The following PTPRS variants were observed in gnomAD, a reference collection of about 807,000 sequenced individuals.
PTPRS encodes protein tyrosine phosphatase receptor type S.
A neutral mutation model predicts 215.3 loss-of-function variants in PTPRS; 63 were observed. The ratio of observed to expected loss-of-function variants is 0.29; its 90% CI spans 0.24 to 0.36. PTPRS has a LOEUF of 0.36. Ranked by LOEUF, PTPRS falls within the 10% of genes least tolerant of loss-of-function variation. PTPRS has a pLI of 1.00. For synonymous variants in PTPRS, 1,404 were observed against 1,191.4 expected, an observed-to-expected ratio of 1.18 and a Z score of -3.68; for missense variants, 2,258 against 2,825.8, an observed-to-expected ratio of 0.80 and a Z score of 4.56.
rs530640430 is a variant in PTPRS, at chr19:5,309,068, G to A, written c.-94-22834C>T. 5.3e-5 allele frequency among the ~76,000 whole-genome samples: 8 copies of A among 152,212 alleles called. No individual in the cohort carries two copies. The South Asian group carries it at 1.5e-3, about 28-fold the overall frequency. ...GGGCTCAGAGTGTGTGGAGGTGGGA[G>A]GTGAGTGCCAAGTGGGAACTGAGGG... On this transcript the variant is annotated intron_variant, in intron 1 of 37. Coordinates refer to ENST00000262963, the MANE Select transcript of PTPRS (RefSeq NM_002850.4).
rs1057017143 is a variant in PTPRS at position 5,212,137 on chromosome 19, C to T, written c.4883G>A (p.Arg1628His). The T allele has an allele frequency of 2.5e-6, 4 of 1,614,086 alleles. No individual in the cohort carries two copies. The highest frequency in any genetic ancestry group is 3.4e-6 in the Non-Finnish European group (4 of 1,180,048). ...GTCCTCCGTCTGCACCATGTAGTTG[C>T]GCTGGGACCTCATGAGCGTCACGTG... is the stretch of plus-strand genomic sequence containing the variant. ...YGHVTLMRSQ[R>H]NYMVQTEDQY... Residue 1628 changes from arginine to histidine, a missense_variant, in exon 32 of 38, where the codon CGC (arginine) becomes CAC (histidine). Around this residue, in one of 6 missense-constraint regions of PTPRS, gnomAD observed 927 missense variants for 1,125.9 expected, o/e 0.82. Transcript: ENST00000262963.
chr19:5,336,797 G>A (rs550725251), intron 1 of PTPRS, among the ~76,000 whole-genome samples: 1 of 151,744 alleles, frequency 6.6e-6, no homozygotes, highest in African/African-American at 2.4e-5. Context: ...AGGGTGGGGC[G>A]GCGGCGGGTG....
intron 11 of PTPRS, among the ~76,000 whole-genome samples, chr19:5,243,579 A>C (rs1358259655): frequency 6.6e-6 from 1 of 151,804 alleles, no homozygotes; most frequent in African/African-American, 2.4e-5. Context: ...TCCTGGGTTC[A>C]AGTGATTCTC....
intron 22 of PTPRS, 111 bp from the exon 23 acceptor site, chr19:5,219,578 A>G (rs1036362336): frequency 5.3e-6 from 7 of 1,325,498 alleles, no homozygotes; most frequent in South Asian, 3.1e-5. Flanking sequence ...ATCCTCCTAT[A>G]TTCCTAGAAC....
At chr19:5,252,494 T>G (rs2045198718) in intron 9 of PTPRS, among the ~76,000 whole-genome samples, 1 of 148,648 alleles carries the variant, frequency 6.7e-6, no homozygotes, top group African/African-American at 2.5e-5. Context: ...GGAGAATCAC[T>G]TGAACCCAGG....
chr19:5,329,972 T>C lies in PTPRS; in HGVS notation c.-95+10692A>G, dbSNP rs1298728306. Among the ~76,000 whole-genome samples, 3 of 144,246 alleles carry C rather than the reference T, an allele frequency of 2.1e-5. No individual in the cohort carries two copies. The South Asian group carries it at 6.5e-4, about 31-fold the overall frequency. The allele number at this position is 144,246 out of a possible 152,430, so 94.6% of individuals were successfully genotyped here. On this transcript the variant is annotated intron_variant, in intron 1 of 37. Transcript: ENST00000262963. ...GCACATGCCTATAATCCCAGCTACC[T>C]GGAAGGCTGAGGCAGAATCTCTTGA...
Position 5,244,464 on chromosome 19 carries a change from C to T in PTPRS, c.1007G>A (p.Gly336Glu). The T allele has an allele frequency of 6.2e-7, 1 of 1,613,700 alleles. No homozygotes were observed. The highest frequency in any genetic ancestry group is 8.5e-7 in the Non-Finnish European group (1 of 1,179,810). ...TGTGTTCTCAGTCACCATGGGAGTC[C>T]CGGGAGCTTTGGGGAGAGCTGTGGG... ...ITVKSLPKAP[G>E]TPMVTENTAT... Residue 336 changes from glycine to glutamate, a missense_variant, in exon 11 of 38, where the codon GGG becomes GAG. Gly to Glu is a moderately conservative substitution (Grantham distance 98). Coordinates refer to ENST00000262963, the MANE Select transcript of PTPRS (RefSeq NM_002850.4). The surrounding 1 kb of genome is among the most constrained non-coding windows in gnomAD (Gnocchi z 7.2).
chr19:5,214,273 G>T, intron 30 of PTPRS, 88 bp downstream of exon 30: 1 of 1,573,050 alleles, frequency 6.4e-7, no homozygotes, highest in Non-Finnish European at 8.7e-7. Context: ...TGTCCCATGG[G>T]GAGCTCCCTG....
At position 5,210,624 on chromosome 19, in the gene PTPRS, G is replaced by A. The variant is rs72981058; in HGVS notation, c.5362-30C>T. ...GGAGGAGATGGCGGCCGTGGTCAGC[G>A]CTGTCTGAGCCACAGTCTGGCCCTC... On this transcript the variant is annotated intron_variant, in intron 34 of 37. Coordinates refer to ENST00000262963, the MANE Select transcript of PTPRS (RefSeq NM_002850.4). This position sits in a 1 kb window ranked among gnomAD's most constrained non-coding sequence, Gnocchi z 4.5. 1.6e-4 allele frequency: 257 copies of A among 1,614,062 alleles called. 1 individual carries two copies. Among genetic ancestry groups the A allele is most frequent in the South Asian group, 1.2e-3 (109 of 91,082 alleles).
intron 12 of PTPRS, 101 bp from the exon 13 acceptor site, chr19:5,239,164 G>GAGAGAGA (rs1568451445): frequency 6.9e-6 from 3 of 433,654 alleles, no homozygotes; most frequent in African/African-American, 6.3e-5. Flanking sequence ...GGGGGGAGGG[G>GAGAGAGA]GAGAGAGAGA....
chr19:5,264,869 C>G (rs1211108468), intron 5 of PTPRS, 139 bp downstream of exon 5: 2 of 982,130 alleles, frequency 2.0e-6, no homozygotes, highest in Non-Finnish European at 3.0e-6. Flanking sequence ...GCCCCCACTC[C>G]CCCAGAGCCA....
rs1171343967 is a variant in PTPRS at position 5,294,418 on chromosome 19, A to G, written c.-94-8184T>C. ...GCCTGGGGCCCCCGGAACTGAGGAT[A>G]TATCATGAATAATTTCAAGCCCCTT... On this transcript the variant is annotated intron_variant, in intron 1 of 37. Coordinates refer to ENST00000262963, the MANE Select transcript of PTPRS (RefSeq NM_002850.4). The surrounding 1 kb of genome is among the most constrained non-coding windows in gnomAD (Gnocchi z 5.1). 1.1e-4 allele frequency: 17 copies of G among 152,302 alleles called. No individual in the cohort carries two copies. The highest frequency in any genetic ancestry group is 1.0e-3 in the Admixed American group (16 of 15,288). The allele number at this position is 152,302 out of a possible 1,614,324, so 9.4% of individuals were successfully genotyped here.
intron 4 of PTPRS, among the ~76,000 whole-genome samples, chr19:5,268,215 T>C (rs2046600684): frequency 6.6e-6 from 1 of 152,012 alleles, no homozygotes; most frequent in African/African-American, 2.4e-5. Context: ...AATAAAGTTT[T>C]ATTGGCACAC....
intron 32 of PTPRS, 48 bp downstream of exon 32, chr19:5,211,896 CGGGCCTGATTTTCGGCTCTTT>C: frequency 6.4e-7 from 1 of 1,553,940 alleles, no homozygotes; most frequent in Non-Finnish European, 8.7e-7. Context: ...TTGCTCGAGG[CGGGCCTGATTTTCGGCTCTTT>C]GGGCCTCCTC....
chr19:5,230,620 G>A (rs1464525537), intron 14 of PTPRS, among the ~76,000 whole-genome samples: 1 of 152,118 alleles, frequency 6.6e-6, no homozygotes, highest in Non-Finnish European at 1.5e-5. Context: ...ACCATGCTTG[G>A]CTATGTTTTA....
chr19:5,244,226 C>T lies in PTPRS; in HGVS notation c.1245G>A (p.Glu415=). The T allele has an allele frequency of 6.2e-7, 1 of 1,610,994 alleles. No individual in the cohort carries two copies. Among genetic ancestry groups the T allele is most frequent in the South Asian group, 1.1e-5 (1 of 90,642 alleles). ...GCTCGCCTGTGCGGGTGACCACGGA[C>T]TCGCTGGGGGGCCCCTGGCCGATGG... The part of the protein sequence containing the change: ...VNSIGQGPPS[E]SVVTRTGEQA... The change falls in exon 11 of 38, where the codon GAG becomes GAA. Residue 415 remains glutamate, a synonymous_variant. Transcript: ENST00000262963. The surrounding 1 kb of genome is among the most constrained non-coding windows in gnomAD (Gnocchi z 7.2).
chr19:5,290,545 G>A (rs1313700465), intron 1 of PTPRS, among the ~76,000 whole-genome samples: 1 of 152,140 alleles, frequency 6.6e-6, no homozygotes, highest in African/African-American at 2.4e-5. Flanking sequence ...TTATGACCCA[G>A]GCCGGGCAGC....
chr19:5,307,241 G>A (rs1456101386), intron 1 of PTPRS, among the ~76,000 whole-genome samples: 3 of 152,256 alleles, frequency 2.0e-5, no homozygotes, highest in Admixed American at 2.0e-4. Flanking sequence ...TCAGGAGGCA[G>A]AGGCTATAGT....
chr19:5,239,932 G>A (rs1568454433), intron 12 of PTPRS, among the ~76,000 whole-genome samples: 1 of 152,138 alleles, frequency 6.6e-6, no homozygotes, highest in Non-Finnish European at 1.5e-5. Context: ...GAGAAGCACA[G>A]ATCAAGAGAG....
Sources: allele counts gnomAD v4.1 joint callset (sites outside exome capture counted in the v4.1 genomes callset), GRCh38; gene constraint gnomAD v4.1.1; regional missense constraint gnomAD v4.1.1; non-coding constraint Gnocchi (gnomAD v3.1); transcripts MANE v1.5; gene names NCBI Gene and HGNC (gene_info 2026-07-23, HGNC 2026-07-21).